DEPDC7: variants seen among roughly 807,000 people sequenced by gnomAD.
DEPDC7 encodes DEP domain containing 7.
In DEPDC7, 41 loss-of-function variants were observed where a neutral mutation model predicts 56.6. That is an observed-to-expected ratio of 0.72 (90% CI 0.56 to 0.94). DEPDC7 has a LOEUF of 0.94. Among genes scored for constraint, DEPDC7 ranks in the 40% least tolerant of loss-of-function variants. The pLI is 0.00. For synonymous variants in DEPDC7, 185 were observed against 208.8 expected (o/e 0.89, Z 0.98); for missense variants, 522 against 596.3 (o/e 0.88, Z 1.30).
chr11:33,033,402 G>A lies in DEPDC7; in HGVS notation c.1483G>A (p.Gly495Ser). Residue 495 changes from glycine to serine, a missense_variant, in exon 9 of 9, where the codon GGT becomes AGT. Transcript: ENST00000241051. ...TGCCAAAGAGAAGAAAAAATTGCTA[G>A]GTCAATTCTATAAGTGTCACCCAGA... is the stretch of plus-strand genomic sequence containing the variant. ...LSAKEKKKLL[G>S]QFYKCHPDIF... is the part of the protein sequence containing the mutation. The A allele has an allele frequency of 6.2e-7, 1 of 1,609,984 alleles. No homozygotes were observed. Among genetic ancestry groups the A allele is most frequent in the South Asian group, 1.1e-5 (1 of 90,254 alleles).
At chr11:33,031,735 C>A (rs1214169388) in intron 5 of DEPDC7, 146 bp downstream of exon 5, 3 of 689,464 alleles carry the variant, frequency 4.4e-6, no homozygotes, top group African/African-American at 1.8e-5. Context: ...TCAAAAACTT[C>A]TAGGGGTCAT....
At chr11:33,028,071 T>C (rs1590209209) in intron 3 of DEPDC7, 1 of 310,640 alleles carries the variant, frequency 3.2e-6, no homozygotes, top group Admixed American at 5.0e-5. Flanking sequence ...GCATGCAGAT[T>C]TGTATTGAAA....
chr11:33,021,290 G>T (rs1262352620), intron 1 of DEPDC7, among the ~76,000 whole-genome samples: 2 of 151,806 alleles, frequency 1.3e-5, no homozygotes, highest in African/African-American at 4.8e-5. Context: ...TTGACCAAAT[G>T]TAAGGAAGCA....
intron 1 of DEPDC7, among the ~76,000 whole-genome samples, chr11:33,020,443 T>C (rs1454441407): frequency 6.6e-6 from 1 of 152,226 alleles, no homozygotes; most frequent in Non-Finnish European, 1.5e-5. Context: ...TAGATTTATA[T>C]AGTGCTTGAG....
At chr11:33,030,798 G>T (rs1853625491) in intron 4 of DEPDC7, among the ~76,000 whole-genome samples, 1 of 152,096 alleles carries the variant, frequency 6.6e-6, no homozygotes, top group Non-Finnish European at 1.5e-5. Context: ...TGGCCAGGCT[G>T]GTCTCGAACT....
chr11:33,027,589 T>G (rs1853591825), intron 2 of DEPDC7, 97 bp from the exon 3 acceptor site: 1 of 1,153,928 alleles, frequency 8.7e-7, no homozygotes, highest in Non-Finnish European at 1.1e-6. Flanking sequence ...GTTTTTGCTC[T>G]GAAATGCATA....
chr11:33,031,680 C>A, intron 5 of DEPDC7, 91 bp downstream of exon 5: 2 of 1,007,372 alleles, frequency 2.0e-6, no homozygotes, highest in East Asian at 2.5e-5. Flanking sequence ...AGTACTACTA[C>A]AAGCTGGGAG....
rs1853593512 is a variant in DEPDC7, at chr11:33,027,752, T to C, written c.531T>C (p.Asn177=). The stretch of plus-strand genomic sequence containing the variant: ...CCAGTTTAGAGGACCTGTGGGAAAA[T>C]CTGAGTTTAAAGCCTGCCAACTCCC... The part of the protein sequence containing the change: ...RSASLEDLWE[N]LSLKPANSPH... Residue 177 remains asparagine (N), a synonymous_variant, in exon 3 of 9, where the codon AAT becomes AAC. Coordinates refer to ENST00000241051, the MANE Select transcript of DEPDC7 (RefSeq NM_001077242.2). The C allele has an allele frequency of 1.3e-6, 2 of 1,578,894 alleles. No individual in the cohort carries two copies. Among genetic ancestry groups the C allele is most frequent in the Non-Finnish European group, 1.7e-6 (2 of 1,167,172 alleles).
Position 33,027,831 on chromosome 11 carries a change from C to T in DEPDC7, c.592+18C>T, listed in dbSNP as rs375098138. ...TCCACAAGGTAAGCTAAGGATGAAG[C>T]AAAGTAAGAAGTAGAAGACAAACTT... On this transcript the variant is annotated intron_variant, in intron 3 of 8. Coordinates refer to ENST00000241051, the MANE Select transcript of DEPDC7 (RefSeq NM_001077242.2). 3 of 1,516,696 alleles carry T rather than the reference C, an allele frequency of 2.0e-6. No individual in the cohort carries two copies. The highest frequency in any genetic ancestry group is 2.6e-6 in the Non-Finnish European group (3 of 1,140,402). The allele number at this position is 1,516,696 out of a possible 1,614,324, so 94.0% of individuals were successfully genotyped here.
intron 1 of DEPDC7, among the ~76,000 whole-genome samples, chr11:33,021,014 C>G (rs1481147569): frequency 1.3e-5 from 2 of 151,884 alleles, no homozygotes; most frequent in African/African-American, 4.8e-5. Context: ...TTTGGGAGGC[C>G]GAGGTGGGTG....
Position 33,025,692 on chromosome 11 carries a change from C to T in DEPDC7, c.107C>T (p.Thr36Met), listed in dbSNP as rs977580251. 7.4e-6 allele frequency: 12 copies of T among 1,611,746 alleles called. No homozygotes were observed. The highest frequency in any genetic ancestry group is 5.5e-5 in the South Asian group (5 of 91,054). The change falls in exon 2 of 9, where the codon ACG becomes ATG. Residue 36 changes from threonine (T) to methionine (M), a missense_variant. Physicochemically the swap from Thr to Met is moderately conservative, Grantham distance 81. Transcript: ENST00000241051. Reference sequence around the variant, plus strand: ...GTAGCTCAGAAGCCATTTGGAGCCACGTATGTATGGAGCAGCATCATAAAC... The same window carrying T: ...GTAGCTCAGAAGCCATTTGGAGCCATGTATGTATGGAGCAGCATCATAAAC... ...FSVAQKPFGA[T>M]YVWSSIINTL...
At chr11:33,030,276 A>G (rs994582513) in intron 4 of DEPDC7, among the ~76,000 whole-genome samples, 1 of 152,146 alleles carries the variant, frequency 6.6e-6, no homozygotes, top group Non-Finnish European at 1.5e-5. Context: ...AGTAATTTTT[A>G]TATACAAAAT....
At chr11:33,027,420 T>C (rs1231231283) in intron 2 of DEPDC7, among the ~76,000 whole-genome samples, 1 of 152,158 alleles carries the variant, frequency 6.6e-6, no homozygotes, top group Non-Finnish European at 1.5e-5. Flanking sequence ...TGAAGTCCAG[T>C]TATGTTTGAT....
intron 1 of DEPDC7, 86 bp downstream of exon 1, chr11:33,016,114 G>A (rs1379196854): frequency 5.6e-6 from 7 of 1,254,082 alleles, no homozygotes; most frequent in Non-Finnish European, 7.0e-6. Flanking sequence ...GGCGGCGTGG[G>A]GCGTTCGGCC....
At chr11:33,016,101 G>C in intron 1 of DEPDC7, 73 bp downstream of exon 1, 1 of 1,283,288 alleles carries the variant, frequency 7.8e-7, no homozygotes, top group Non-Finnish European at 9.8e-7. Flanking sequence ...CCGGCGCGGG[G>C]CGGGCGGCGT....
chr11:33,017,825 A>G (rs906968577), intron 1 of DEPDC7, among the ~76,000 whole-genome samples: 16 of 152,222 alleles, frequency 1.1e-4, no homozygotes, highest in African/African-American at 2.7e-4. Context: ...AATGAGATCT[A>G]TATGCCAGTC....
chr11:33,016,502 A>T (rs2055783010), intron 1 of DEPDC7: 16 of 1,613,474 alleles, frequency 9.9e-6, no homozygotes, highest in Non-Finnish European at 1.3e-5. Flanking sequence ...GCTAGGAGTC[A>T]AGAGTCAGCT....
At position 33,033,292 on chromosome 11, in the gene DEPDC7, G is replaced by C; in HGVS notation, c.1373G>C (p.Arg458Pro). The change falls in exon 9 of 9, where the codon CGT becomes CCT. Residue 458 changes from arginine (R) to proline (P), a missense_variant. Transcript: ENST00000241051. ...ATTTATTGCCAGAGAATTGATCAAC[G>C]TGACTATTCCAACAATACAGAGAAG... ...GYIYCQRIDQ[R>P]DYSNNTEKTT... 6.3e-7 allele frequency: 1 copy of C among 1,598,736 alleles called. No homozygotes were observed. The highest frequency in any genetic ancestry group is 1.4e-5 in the African/African-American group (1 of 73,960).
intron 2 of DEPDC7, chr11:33,026,563 TATATC>T (rs759796979): frequency 1.6e-5 from 3 of 184,554 alleles, no homozygotes; most frequent in Non-Finnish European, 3.5e-5. Context: ...TTGAAGCTCT[TATATC>T]AGATCTGACC....
Sources: allele counts gnomAD v4.1 joint callset (sites outside exome capture counted in the v4.1 genomes callset), GRCh38; gene constraint gnomAD v4.1.1; transcripts MANE v1.5; gene names NCBI Gene and HGNC (gene_info 2026-07-23, HGNC 2026-07-21).